Variants in DCLRE1A observed in about 807,000 individuals in gnomAD.
DCLRE1A encodes DNA cross-link repair 1A protein.
DCLRE1A carries 64 observed loss-of-function variants against 91.9 expected under a neutral mutation model. The observed-to-expected ratio is 0.70, with a 90% CI of 0.57 to 0.86. DCLRE1A has a LOEUF of 0.86. Among genes scored for constraint, DCLRE1A ranks in the 40% least tolerant of loss-of-function variants. The pLI is 0.00. For synonymous variants in DCLRE1A, 416 were observed against 431.1 expected (o/e 0.96, Z 0.43); for missense variants, 1,145 against 1,213.3 (o/e 0.94, Z 0.84).
At chr10:113,851,417 T>G (rs1008118692) in intron 1 of DCLRE1A, among the ~76,000 whole-genome samples, 1 of 152,112 alleles carries the variant, frequency 6.6e-6, no homozygotes, top group African/African-American at 2.4e-5. Context: ...ATATTGAGTA[T>G]TTTTTTATTT....
Position 113,837,174 on chromosome 10 carries a change from A to G in DCLRE1A, c.2850T>C (p.Gly950=), listed in dbSNP as rs1351520267. 1 of 1,612,402 alleles carries G rather than the reference A, an allele frequency of 6.2e-7. No homozygotes were observed. The highest frequency in any genetic ancestry group is 8.5e-7 in the Non-Finnish European group (1 of 1,179,466). ...ATGCCAAAATCTGATTGTATTTCCCACCACACTTCTTCAAATGACTCTGTA... is the reference window on the plus strand; with the variant it reads ...ATGCCAAAATCTGATTGTATTTCCCGCCACACTTCTTCAAATGACTCTGTA... ...KGLQSHLKKC[G]GKYNQILAFR... Residue 950 remains glycine (G), a synonymous_variant, in exon 8 of 9, where the codon GGT becomes GGC. Transcript: ENST00000361384.
Position 113,853,011 on chromosome 10 carries a change from T to C in DCLRE1A, c.172A>G (p.Lys58Glu), listed in dbSNP as rs17235066. ...GGCACTTCATGGTCCTTCACCTCTT[T>C]AGCTTCTGCGGCTCTTTTTCTGTTT... is the stretch of plus-strand genomic sequence containing the variant. ...SRNRKRAAEA[K>E]EVKDHEVPLG... Residue 58 changes from lysine (K) to glutamate (E), a missense_variant, in exon 1 of 9, where the codon AAA becomes GAA. Physicochemically the swap from Lys to Glu is moderately conservative, Grantham distance 56 (BLOSUM62 1). Coordinates refer to ENST00000361384, the MANE Select transcript of DCLRE1A (RefSeq NM_014881.5). 9,674 of 1,614,002 alleles carry C rather than the reference T, an allele frequency of 6.0e-3. 466 individuals carry two copies. In the African/African-American group the frequency reaches 0.11, roughly 18 times the overall value.
rs1461231291 is a variant in DCLRE1A, at chr10:113,853,361, A to G, written c.-179T>C. 1.7e-6 allele frequency: 1 copy of G among 571,554 alleles called. No homozygotes were observed. Among genetic ancestry groups the G allele is most frequent in the African/African-American group, 1.9e-5 (1 of 52,228 alleles). 35.4% of individuals were successfully genotyped at this position (571,554 alleles called of 1,614,324 possible). ...TAATGAACATATTGGCAAGCTACAA[A>G]CCTTGTACCTGACAACACCTGCTAT... On this transcript the variant is annotated 5_prime_UTR_variant, in exon 1 of 9. Coordinates refer to ENST00000361384, the MANE Select transcript of DCLRE1A (RefSeq NM_014881.5).
chr10:113,844,936 C>CAAAA (rs531248552), intron 4 of DCLRE1A, among the ~76,000 whole-genome samples: 1 of 75,332 alleles, frequency 1.3e-5, no homozygotes. Flanking sequence ...AACTCTGTCT[C>CAAAA]AAAAAAAAAA....
At chr10:113,846,171 TA>T (rs1845534334) in intron 3 of DCLRE1A, among the ~76,000 whole-genome samples, 2 of 152,298 alleles carry the variant, frequency 1.3e-5, no homozygotes, top group Admixed American at 1.3e-4. Context: ...TGCCTTTACA[TA>T]AACTTTACTC....
At chr10:113,835,397 A>C (rs1432272358) in intron 8 of DCLRE1A, 85 bp from the exon 9 acceptor site, 62 of 1,374,626 alleles carry the variant, frequency 4.5e-5, no homozygotes, top group Non-Finnish European at 6.0e-5. Flanking sequence ...GAATAAAACA[A>C]AAGAGAAAAG....
Position 113,849,394 on chromosome 10 carries a change from C to G in DCLRE1A, c.1711G>C (p.Glu571Gln), listed in dbSNP as rs777776912. ...GCACTTTCCCCTAGCAATTTCTCTT[C>G]CTTTCTTTTGGGAGGTAGTCCAAAA... ...VYFGLPPKRK[E>Q]EKLLGESALE... The change falls in exon 2 of 9, where the codon GAA (glutamate) becomes CAA (glutamine). Residue 571 changes from glutamate to glutamine, a missense_variant. Coordinates refer to ENST00000361384, the MANE Select transcript of DCLRE1A (RefSeq NM_014881.5). 12 of 1,613,702 alleles carry G rather than the reference C, an allele frequency of 7.4e-6. No individual in the cohort carries two copies. The highest frequency in any genetic ancestry group is 2.2e-5 in the South Asian group (2 of 91,020).
rs776180753 is a variant in DCLRE1A, at chr10:113,849,719, C to G, written c.1386G>C (p.Lys462Asn). Reference sequence around the variant, plus strand: ...TTTCAAAAGGTTTCAACATTAAACTCTTAACTAACGGAAGAGAAACTTGAT... The same window carrying G: ...TTTCAAAAGGTTTCAACATTAAACTGTTAACTAACGGAAGAGAAACTTGAT... Reference protein sequence around the residue: ...VYNQVSLPLVKSLMLKPFESQ... With the variant: ...VYNQVSLPLVNSLMLKPFESQ... The change falls in exon 2 of 9, where the codon AAG (lysine) becomes AAC (asparagine). Residue 462 changes from lysine to asparagine, a missense_variant. By Grantham distance (94) the Lys-to-Asn change is moderately conservative. Transcript: ENST00000361384. 5.0e-6 allele frequency: 8 copies of G among 1,614,186 alleles called. No individual in the cohort carries two copies. The highest frequency in any genetic ancestry group is 4.4e-5 in the South Asian group (4 of 91,082).
rs1268961399 is a variant in DCLRE1A at position 113,841,455 on chromosome 10, A to G, written c.2771T>C (p.Met924Thr). The G allele has an allele frequency of 8.7e-6, 14 of 1,613,452 alleles. No individual in the cohort carries two copies. Among genetic ancestry groups the G allele is most frequent in the Admixed American group, 5.0e-5 (3 of 59,948 alleles). The part of the protein sequence containing the change: ...PEINSLITTD[M>T]CSSLVHLLPM... ...GAGAAGGTGAACCAATGAACTGCAC[A>G]TGTCGGTAGTGATGAGTGAATTAAT... Residue 924 changes from methionine (M) to threonine (T), a missense_variant, in exon 7 of 9, where the codon ATG becomes ACG. By Grantham distance (81) the Met-to-Thr change is moderately conservative. Transcript: ENST00000361384.
intron 5 of DCLRE1A, among the ~76,000 whole-genome samples, chr10:113,843,754 C>T (rs1338349617): frequency 1.3e-5 from 2 of 152,160 alleles, no homozygotes; most frequent in Non-Finnish European, 2.9e-5. Context: ...CACATTTTGA[C>T]CTCTGTCTTC....
chr10:113,836,911 G>T (rs1469694867), intron 8 of DCLRE1A, 151 bp downstream of exon 8: 2 of 641,286 alleles, frequency 3.1e-6, no homozygotes, highest in East Asian at 5.7e-5. Context: ...CAATGGACTA[G>T]ATACAGGATT....
intron 3 of DCLRE1A, among the ~76,000 whole-genome samples, chr10:113,846,601 T>C (rs748682190): frequency 5.3e-5 from 8 of 152,166 alleles, no homozygotes; most frequent in Non-Finnish European, 1.0e-4. Flanking sequence ...GATACAGTCA[T>C]GTCCCTCAGT....
Position 113,851,988 on chromosome 10 carries a change from T to C in DCLRE1A, c.460+735A>G, listed in dbSNP as rs1328435587. ...CCACCTCCCAAAGTACTGGGATTAC[T>C]GGCATGAGCCACTGTGCCCAGCCTA... On this transcript the variant is annotated intron_variant, in intron 1 of 8. Coordinates refer to ENST00000361384, the MANE Select transcript of DCLRE1A (RefSeq NM_014881.5). Among the ~76,000 whole-genome samples, 7 of 152,202 alleles carry C rather than the reference T, an allele frequency of 4.6e-5. No homozygotes were observed. The East Asian group carries it at 9.7e-4, about 21-fold the overall frequency.
Position 113,844,713 on chromosome 10 carries a change from A to C in DCLRE1A, c.2379-469T>G, listed in dbSNP as rs542196843. Among the ~76,000 whole-genome samples, 14 of 152,332 alleles carry C rather than the reference A, an allele frequency of 9.2e-5. 1 individual carries two copies. The highest frequency in any genetic ancestry group is 9.1e-4 in the Admixed American group (14 of 15,312). On this transcript the variant is annotated intron_variant, in intron 4 of 8. Transcript: ENST00000361384. ...CACTTTGGGAGGCCGAAGCGGGTGT[A>C]TCACCTGAGGTCAGGAGTTCGAAAC... is the stretch of plus-strand genomic sequence containing the variant.
chr10:113,847,049 G>A (rs1845549546), intron 3 of DCLRE1A, among the ~76,000 whole-genome samples, 153 bp downstream of exon 3: 2 of 152,014 alleles, frequency 1.3e-5, no homozygotes, highest in Admixed American at 1.3e-4. Context: ...ACATCAACTC[G>A]TTTTAAGTTT....
At chr10:113,848,039 C>G (rs866216395) in intron 2 of DCLRE1A, among the ~76,000 whole-genome samples, 3 of 152,336 alleles carry the variant, frequency 2.0e-5, no homozygotes, top group African/African-American at 4.8e-5. Flanking sequence ...ATTGGCCGGG[C>G]TCGGTGGCTC....
chr10:113,837,342 C>T lies in DCLRE1A; in HGVS notation c.2821-139G>A, dbSNP rs1261367011. The T allele has an allele frequency of 1.0e-5, 6 of 596,462 alleles. No homozygotes were observed. The Admixed American group carries it at 1.6e-4, about 16-fold the overall frequency. The allele number at this position is 596,462 out of a possible 1,614,324, so 36.9% of individuals were successfully genotyped here. The stretch of plus-strand genomic sequence containing the variant: ...TTAGCTTCAACAACCTAGTGCTATG[C>T]TTCTAAAAAATAATCACTGAAAAAA... On this transcript the variant is annotated intron_variant, in intron 7 of 8. Transcript: ENST00000361384.
chr10:113,845,514 A>G (rs1465118979), intron 4 of DCLRE1A, among the ~76,000 whole-genome samples, 171 bp downstream of exon 4: 1 of 152,224 alleles, frequency 6.6e-6, no homozygotes, highest in African/African-American at 2.4e-5. Context: ...TTTACTTTTC[A>G]TCTCTGATTC....
intron 3 of DCLRE1A, among the ~76,000 whole-genome samples, chr10:113,846,875 G>C (rs1224376593): frequency 1.3e-5 from 2 of 151,832 alleles, no homozygotes; most frequent in African/African-American, 4.8e-5. Flanking sequence ...CCATGGATAG[G>C]GCACTCACAG....
Sources: gnomAD v4.1 joint callset for allele counts (sites outside exome capture counted in the v4.1 genomes callset) on GRCh38, gnomAD v4.1.1 for gene constraint, MANE v1.5 for transcripts, NCBI Gene and HGNC (gene_info 2026-07-23, HGNC 2026-07-21) for gene names.